TBCCD1: variants seen among roughly 807,000 people sequenced by gnomAD.
The protein encoded by TBCCD1 is TBCC domain-containing protein 1.
A neutral mutation model predicts 53.4 loss-of-function variants in TBCCD1; 26 were observed. The ratio of observed to expected loss-of-function variants is 0.49; its 90% CI spans 0.36 to 0.68. TBCCD1 has a LOEUF of 0.68. Ranked by LOEUF, TBCCD1 falls within the 30% of genes least tolerant of loss-of-function variation. The pLI, the probability that TBCCD1 is intolerant of heterozygous loss-of-function variation, is 0.00. For missense variants in TBCCD1, 558 were observed against 669.5 expected (o/e 0.83, Z 1.84); for synonymous variants, 245 against 241.7 (o/e 1.01, Z -0.13).
At position 186,556,278 on chromosome 3, in the gene TBCCD1, C is replaced by A. The variant is rs1714536534; in HGVS notation, c.859+131G>T. The A allele has an allele frequency of 6.9e-6, 7 of 1,012,112 alleles. No homozygotes were observed. The East Asian group carries it at 1.8e-4, about 26-fold the overall frequency. The allele number at this position is 1,012,112 out of a possible 1,614,324, so 62.7% of individuals were successfully genotyped here. On this transcript the variant is annotated intron_variant, in intron 4 of 7. Coordinates refer to ENST00000338733, the MANE Select transcript of TBCCD1 (RefSeq NM_018138.5). ...AGTCATGCACAAAAGACAGATGTTC[C>A]TTTTTCTCTTTTATAGGAGCAGTAT...
intron 6 of TBCCD1, 150 bp from the exon 7 acceptor site, chr3:186,551,429 G>A: frequency 4.0e-6 from 3 of 752,818 alleles, no homozygotes; most frequent in Non-Finnish European, 6.2e-6. Flanking sequence ...GAGTACACTG[G>A]ACACCCCCAC....
At chr3:186,562,656 TTCTCTAAG>T (rs1291988281) in intron 2 of TBCCD1, among the ~76,000 whole-genome samples, 1 of 151,348 alleles carries the variant, frequency 6.6e-6, no homozygotes, top group Non-Finnish European at 1.5e-5. Flanking sequence ...ATACTTAAAA[TTCTCTAAG>T]ACAGTAGATC....
intron 1 of TBCCD1, 147 bp downstream of exon 1, chr3:186,567,120 G>C (rs1243393791): frequency 6.6e-6 from 1 of 152,250 alleles, no homozygotes; most frequent in African/African-American, 2.4e-5. Context: ...CCAGCGTCGC[G>C]ACCGGACTTC....
rs146050725 is a variant in TBCCD1, at chr3:186,556,447, C to A, written c.821G>T (p.Cys274Phe). 6.2e-7 allele frequency: 1 copy of A among 1,602,066 alleles called. No individual in the cohort carries two copies. Among genetic ancestry groups the A allele is most frequent in the African/African-American group, 1.4e-5 (1 of 74,068 alleles). Reference protein sequence around the residue: ...LTGNPFGTSACLKSGKKLAWA... With the variant: ...LTGNPFGTSAFLKSGKKLAWA... ...AGCCAATTTCTTTCCAGACTTGAGGCAAGCTGATGTACCAAATGGATTCCC... is the reference window on the plus strand; with the variant it reads ...AGCCAATTTCTTTCCAGACTTGAGGAAAGCTGATGTACCAAATGGATTCCC... The change falls in exon 4 of 8, where the codon TGC becomes TTC. Residue 274 changes from cysteine to phenylalanine, a missense_variant. Physicochemically the swap from Cys to Phe is radical, Grantham distance 205. Transcript: ENST00000338733.
At chr3:186,549,322 T>C (rs945694179) in intron 7 of TBCCD1, among the ~76,000 whole-genome samples, 8 of 151,982 alleles carry the variant, frequency 5.3e-5, no homozygotes, top group African/African-American at 1.9e-4. Context: ...ATTAATTAAT[T>C]GATCCCTACA....
upstream of TBCCD1, among the ~76,000 whole-genome samples, chr3:186,568,880 G>T (rs73057501): frequency 0.26 from 38,422 of 147,852 alleles, 6,466 homozygotes; most frequent in African/African-American, 0.48. Context: ...TCCAGCCTGG[G>T]CGACAGAGCG....
Position 186,555,103 on chromosome 3 carries a change from A to G in TBCCD1, c.860-19T>C. ...CCTTCAACTATTTAAGAAAACATAT[A>G]AATAGATGAGGCAGTATCAAATCAA... is the stretch of plus-strand genomic sequence containing the variant. On this transcript the variant is annotated intron_variant, in intron 4 of 7. Coordinates refer to ENST00000338733, the MANE Select transcript of TBCCD1 (RefSeq NM_018138.5). 1 of 1,582,940 alleles carries G rather than the reference A, an allele frequency of 6.3e-7. No individual in the cohort carries two copies. Among genetic ancestry groups the G allele is most frequent in the East Asian group, 2.2e-5 (1 of 44,446 alleles).
intron 2 of TBCCD1, among the ~76,000 whole-genome samples, chr3:186,562,902 G>A (rs571985039): frequency 1.4e-5 from 2 of 145,348 alleles, no homozygotes; most frequent in Admixed American, 6.8e-5. Flanking sequence ...ATAAGAATGG[G>A]AATGATCTAC....
intron 4 of TBCCD1, 48 bp from the exon 5 acceptor site, chr3:186,555,132 A>AAAAC (rs769595681): frequency 6.5e-7 from 1 of 1,530,118 alleles, no homozygotes; most frequent in East Asian, 2.3e-5. Flanking sequence ...AAATCAAAGA[A>AAAAC]AAACAAACAA....
chr3:186,552,325 CT>C (rs1486503005), intron 6 of TBCCD1, among the ~76,000 whole-genome samples: 1 of 152,094 alleles, frequency 6.6e-6, no homozygotes, highest in African/African-American at 2.4e-5. Flanking sequence ...TCAGCTAGGC[CT>C]TGGTGTAGGA....
chr3:186,568,197 C>T (rs12330875), upstream of TBCCD1, among the ~76,000 whole-genome samples: 41,272 of 152,054 alleles, frequency 0.27, 7,147 homozygotes, highest in African/African-American at 0.49. Flanking sequence ...CCTGCTGTTA[C>T]TTGTTGAGTA....
At chr3:186,549,373 G>T (rs1714304739) in intron 7 of TBCCD1, among the ~76,000 whole-genome samples, 1 of 148,952 alleles carries the variant, frequency 6.7e-6, no homozygotes, top group Non-Finnish European at 1.5e-5. Flanking sequence ...TTAATAATAA[G>T]TGAAACTGCT....
In TBCCD1 at chr3:186,554,887, A is replaced by C. The variant is rs1560225239; in HGVS notation, c.1046+11T>G. On this transcript the variant is annotated intron_variant, in intron 5 of 7. Transcript: ENST00000338733. Reference sequence around the variant, plus strand: ...GTCAGAACATCAGAACACCATGAAAACTGTGCTTACCGTAAGGGAGAGAGC... The same window carrying C: ...GTCAGAACATCAGAACACCATGAAACCTGTGCTTACCGTAAGGGAGAGAGC... 1.2e-6 allele frequency: 2 copies of C among 1,612,552 alleles called. No individual in the cohort carries two copies. The highest frequency in any genetic ancestry group is 1.7e-6 in the Non-Finnish European group (2 of 1,179,452).
rs1021883609 is a variant in TBCCD1, at chr3:186,555,582, G to A, written c.860-498C>T. Reference sequence around the variant, plus strand: ...CTTTTTTTCTTCTTTTTTGTGAGACGGAGTCTCACTCTGTCACTCAGGCTG... The same window carrying A: ...CTTTTTTTCTTCTTTTTTGTGAGACAGAGTCTCACTCTGTCACTCAGGCTG... On this transcript the variant is annotated intron_variant, in intron 4 of 7. Coordinates refer to ENST00000338733, the MANE Select transcript of TBCCD1 (RefSeq NM_018138.5). Among the ~76,000 whole-genome samples, 28 of 151,760 alleles carry A rather than the reference G, an allele frequency of 1.8e-4. 1 individual carries two copies. Among genetic ancestry groups the A allele is most frequent in the Admixed American group, 1.4e-3 (21 of 15,256 alleles).
Position 186,555,071 on chromosome 3 carries a change from G to A in TBCCD1, c.873C>T (p.Thr291=). The part of the protein sequence containing the change: ...LAWAHQVEGT[T]KRAKIACNTH... ...TATTACAAGCAATCTTAGCTCTTTT[G>A]GTGGTCCCTTCAACTATTTAAGAAA... The change falls in exon 5 of 8, where the codon ACC becomes ACT. Residue 291 remains threonine (T), a synonymous_variant. Transcript: ENST00000338733. 6.2e-7 allele frequency: 1 copy of A among 1,600,638 alleles called. No homozygotes were observed.
intron 1 of TBCCD1, among the ~76,000 whole-genome samples, chr3:186,566,583 G>A (rs1216334513): frequency 6.6e-6 from 1 of 152,170 alleles, no homozygotes; most frequent in African/African-American, 2.4e-5. Context: ...TCTAGATTAG[G>A]ATTCAGGTCT....
At chr3:186,553,509 A>T (rs1560224153) in intron 6 of TBCCD1, 1 of 152,200 alleles carries the variant, frequency 6.6e-6, no homozygotes, top group Non-Finnish European at 1.5e-5. Flanking sequence ...GAGAAAAAAA[A>T]AGAACCTCTG....
In TBCCD1 at chr3:186,556,411, T is replaced by C; in HGVS notation, c.857A>G (p.Gln286Arg). 1.3e-6 allele frequency: 2 copies of C among 1,580,238 alleles called. No homozygotes were observed. Among genetic ancestry groups the C allele is most frequent in the Non-Finnish European group, 1.7e-6 (2 of 1,172,634 alleles). The change falls in exon 4 of 8, where the codon CAA becomes CGA. Residue 286 changes from glutamine (Q) to arginine (R), a missense_variant and splice_region_variant. Gln to Arg is a conservative substitution (Grantham distance 43). Transcript: ENST00000338733. The stretch of plus-strand genomic sequence containing the variant: ...TAGATTAAAATATTAAAAAATACCT[T>C]GATGAGCCCAAGCCAATTTCTTTCC... ...KSGKKLAWAHQVEGTTKRAKI... is the reference protein window; with the variant it reads ...KSGKKLAWAHRVEGTTKRAKI...
At chr3:186,553,997 G>A (rs955607735) in intron 6 of TBCCD1, among the ~76,000 whole-genome samples, 3 of 152,062 alleles carry the variant, frequency 2.0e-5, no homozygotes, top group Non-Finnish European at 2.9e-5. Context: ...ACAGGCACAC[G>A]CCACCACACC....
Sources: gnomAD v4.1 joint callset for allele counts (sites outside exome capture counted in the v4.1 genomes callset) on GRCh38, gnomAD v4.1.1 for gene constraint, MANE v1.5 for transcripts, NCBI Gene and HGNC (gene_info 2026-07-23, HGNC 2026-07-21) for gene names.